The following VEGFB variants were observed in gnomAD, a reference collection of about 807,000 sequenced individuals.
VEGFB encodes VEGF-related factor.
VEGFB carries 24 observed loss-of-function variants against 22.5 expected under a neutral mutation model. The ratio of observed to expected loss-of-function variants is 1.07; its 90% CI spans 0.77 to 1.50. VEGFB has a LOEUF of 1.50. Among genes scored for constraint, VEGFB ranks in the 40% most tolerant of loss-of-function variants. The pLI is 0.00. For missense variants in VEGFB, 327 were observed against 287.8 expected (o/e 1.14, Z -0.99); for synonymous variants, 141 against 117.4 (o/e 1.20, Z -1.30).
At chr11:64,236,136 G>C (rs540431826) in intron 3 of VEGFB, 118 bp from the exon 4 acceptor site, 2 of 1,530,200 alleles carry the variant, frequency 1.3e-6, no homozygotes, top group Non-Finnish European at 1.8e-6. Context: ...AGACAGGGTT[G>C]GGGGGAGGGC....
chr11:64,235,432 G>C (rs769339830), intron 1 of VEGFB, 26 bp from the exon 2 acceptor site: 70 of 1,611,588 alleles, frequency 4.3e-5, no homozygotes, highest in Non-Finnish European at 5.7e-5. Flanking sequence ...AGTGTACCTT[G>C]GGTACAGGTC....
At position 64,237,202 on chromosome 11, in the gene VEGFB, C is replaced by G. The variant is rs147646574; in HGVS notation, c.390C>G (p.Asp130Glu). Residue 130 changes from aspartate (D) to glutamate (E), a missense_variant, in exon 5 of 7, where the codon GAC (aspartate) becomes GAG (glutamate). Transcript: ENST00000309422. ...SQCECRPKKK[D>E]SAVKPDRAAT... is the part of the protein sequence containing the mutation. The stretch of plus-strand genomic sequence containing the variant: ...TACTTTTCAGACCTAAAAAAAAGGA[C>G]AGTGCTGTGAAGCCAGACAGGTGAG... The G allele has an allele frequency of 1.9e-6, 3 of 1,606,932 alleles. No individual in the cohort carries two copies. The highest frequency in any genetic ancestry group is 2.6e-6 in the Non-Finnish European group (3 of 1,175,740).
chr11:64,238,257 A>G (rs1591082681), intron 6 of VEGFB, 99 bp from the exon 7 acceptor site: 1 of 1,447,242 alleles, frequency 6.9e-7, no homozygotes, highest in Non-Finnish European at 9.4e-7. Flanking sequence ...GTGTGGCAGG[A>G]TGCTCAGGTT....
In VEGFB at chr11:64,236,302, G is replaced by A; in HGVS notation, c.349G>A (p.Glu117Lys). ...CAGTCAGCTGGGGGAGATGTCCCTG[G>A]AAGAACACAGCCAGTGTGAATGCAG... ...PSSQLGEMSL[E>K]EHSQCECRPK... is the part of the protein sequence containing the mutation. The change falls in exon 4 of 7, where the codon GAA becomes AAA. Residue 117 changes from glutamate to lysine, a missense_variant. Physicochemically the swap from Glu to Lys is moderately conservative, Grantham distance 56 (BLOSUM62 1). Transcript: ENST00000309422. 2 of 1,613,880 alleles carry A rather than the reference G, an allele frequency of 1.2e-6. No individual in the cohort carries two copies. The highest frequency in any genetic ancestry group is 2.2e-5 in the South Asian group (2 of 91,088).
intron 4 of VEGFB, 96 bp from the exon 5 acceptor site, chr11:64,237,083 CAAAGAGAG>C (rs751337053): frequency 0.038 from 24,168 of 644,426 alleles, 766 homozygotes; most frequent in East Asian, 0.059. Context: ...AACACAGTCT[CAAAGAGAG>C]AGAGAGAGAG....
chr11:64,236,021 G>A lies in VEGFB; in HGVS notation c.300+12G>A. On this transcript the variant is annotated intron_variant, in intron 3 of 6. Coordinates refer to ENST00000309422, the MANE Select transcript of VEGFB (RefSeq NM_003377.5). Reference sequence around the variant, plus strand: ...AAGTCCGGATGCAGGTACTGGGCAGGTGGGGCAACGGGCAGGGGATGCAGG... The same window carrying A: ...AAGTCCGGATGCAGGTACTGGGCAGATGGGGCAACGGGCAGGGGATGCAGG... 1 of 1,572,776 alleles carries A rather than the reference G, an allele frequency of 6.4e-7. No individual in the cohort carries two copies. The highest frequency in any genetic ancestry group is 1.9e-5 in the Admixed American group (1 of 53,424).
Position 64,237,299 on chromosome 11 carries a change from C to T in VEGFB, c.410+77C>T, listed in dbSNP as rs1288176415. 5 of 1,525,728 alleles carry T rather than the reference C, an allele frequency of 3.3e-6. No homozygotes were observed. The African/African-American group carries it at 4.1e-5, about 12-fold the overall frequency. The allele number at this position is 1,525,728 out of a possible 1,614,324, so 94.5% of individuals were successfully genotyped here. A position where few individuals can be genotyped will look rare whatever the true frequency, so the allele number is the denominator to read the frequency against. On this transcript the variant is annotated intron_variant, in intron 5 of 6. Transcript: ENST00000309422. ...CCAGAAGCTGTTGCTCCTCTTTCTC[C>T]TCCCACCCGTCCCCCACTTTCCCTT... is the stretch of plus-strand genomic sequence containing the variant.
intron 1 of VEGFB, among the ~76,000 whole-genome samples, chr11:64,235,156 C>G (rs887343488): frequency 6.6e-6 from 1 of 152,184 alleles, no homozygotes; most frequent in African/African-American, 2.4e-5. Flanking sequence ...GCCTGCAGGA[C>G]CTGCTTCGGT....
intron 5 of VEGFB, 21 bp downstream of exon 5, chr11:64,237,243 C>A: frequency 6.2e-7 from 1 of 1,606,302 alleles, no homozygotes; most frequent in South Asian, 1.1e-5. Context: ...TGGACTCCAG[C>A]TGAGTAGGGG....
rs536661974 is a variant in VEGFB at position 64,237,131 on chromosome 11, C to G, written c.375-56C>G. 6.0e-6 allele frequency: 7 copies of G among 1,166,436 alleles called. 1 individual carries two copies. In the Admixed American group the frequency reaches 1.2e-4, roughly 20 times the overall value. The allele number at this position is 1,166,436 out of a possible 1,614,324, so 72.3% of individuals were successfully genotyped here. ...AGAGAGAGAGAGAGAGAGTAGGATG[C>G]TGGGATTTCCTGATCTTCCTCTTGT... On this transcript the variant is annotated intron_variant, in intron 4 of 6. Coordinates refer to ENST00000309422, the MANE Select transcript of VEGFB (RefSeq NM_003377.5).
chr11:64,236,888 G>T (rs2030076969), intron 4 of VEGFB, among the ~76,000 whole-genome samples: 1 of 148,400 alleles, frequency 6.7e-6, no homozygotes, highest in African/African-American at 2.5e-5. Flanking sequence ...AGACCAGCCT[G>T]GCCAACATGG....
At position 64,235,627 on chromosome 11, in the gene VEGFB, G is replaced by A. The variant is rs541827162; in HGVS notation, c.103+127G>A. On this transcript the variant is annotated intron_variant, in intron 2 of 6. Coordinates refer to ENST00000309422, the MANE Select transcript of VEGFB (RefSeq NM_003377.5). ...AAACTATTATTCTACCCATTTCACA[G>A]AGGAGGAAATTGAGGCAGTGGGGTT... 8.5e-6 allele frequency: 11 copies of A among 1,296,464 alleles called. 1 individual carries two copies. The Admixed American group carries it at 9.7e-5, about 11-fold the overall frequency. 80.3% of individuals were successfully genotyped at this position (1,296,464 alleles called of 1,614,324 possible). A position where few individuals can be genotyped will look rare whatever the true frequency, so the allele number is the denominator to read the frequency against.
chr11:64,238,291 C>T, intron 6 of VEGFB, 65 bp from the exon 7 acceptor site: 2 of 1,532,898 alleles, frequency 1.3e-6, no homozygotes, highest in East Asian at 4.9e-5. Flanking sequence ...GCCCGAGGCA[C>T]ACATGAGTCC....
intron 4 of VEGFB, 83 bp from the exon 5 acceptor site, chr11:64,237,103 GA>G: frequency 1.7e-6 from 1 of 580,794 alleles, no homozygotes; most frequent in Non-Finnish European, 2.6e-6. Flanking sequence ...GAGAGAGAGA[GA>G]GAGAGAGAGA....
chr11:64,236,025 G>A lies in VEGFB; in HGVS notation c.300+16G>A. 6.4e-7 allele frequency: 1 copy of A among 1,568,548 alleles called. No individual in the cohort carries two copies. On this transcript the variant is annotated intron_variant, in intron 3 of 6. Coordinates refer to ENST00000309422, the MANE Select transcript of VEGFB (RefSeq NM_003377.5). The stretch of plus-strand genomic sequence containing the variant: ...CCGGATGCAGGTACTGGGCAGGTGG[G>A]GCAACGGGCAGGGGATGCAGGTACT...
Position 64,235,563 on chromosome 11 carries a change from C to T in VEGFB, c.103+63C>T, listed in dbSNP as rs377399465. ...GAGGGTTTGTCATGGGCCCTGATTCCAGGTGTCCATCATCTTGTGTAACTC... is the reference window on the plus strand; with the variant it reads ...GAGGGTTTGTCATGGGCCCTGATTCTAGGTGTCCATCATCTTGTGTAACTC... On this transcript the variant is annotated intron_variant, in intron 2 of 6. Transcript: ENST00000309422. The T allele has an allele frequency of 1.8e-5, 28 of 1,527,990 alleles. No homozygotes were observed. In the East Asian group the frequency reaches 5.2e-4, roughly 28 times the overall value. The allele number at this position is 1,527,990 out of a possible 1,614,324, so 94.7% of individuals were successfully genotyped here.
intron 6 of VEGFB, 194 bp downstream of exon 6, chr11:64,237,849 A>C (rs2030219733): frequency 1.8e-6 from 1 of 565,122 alleles, no homozygotes; most frequent in Non-Finnish European, 3.1e-6. Context: ...CTCAGGAGTC[A>C]GATACAGGAG....
rs776779173 is a variant in VEGFB at position 64,235,874 on chromosome 11, C to T, written c.165C>T (p.Pro55=). Residue 55 remains proline (P), a synonymous_variant, in exon 3 of 7, where the codon CCC becomes CCT. Transcript: ENST00000309422. The part of the protein sequence containing the change: ...ATCQPREVVV[P]LTVELMGTVA... The stretch of plus-strand genomic sequence containing the variant: ...GCCAGCCCCGGGAGGTGGTGGTGCC[C>T]TTGACTGTGGAGCTCATGGGCACCG... The T allele has an allele frequency of 6.2e-7, 1 of 1,613,950 alleles. No individual in the cohort carries two copies. The highest frequency in any genetic ancestry group is 1.7e-5 in the Admixed American group (1 of 60,034).
rs1342224724 is a variant in VEGFB, at chr11:64,234,801, G to A, written c.-33G>A. On this transcript the variant is annotated 5_prime_UTR_variant, in exon 1 of 7. Coordinates refer to ENST00000309422, the MANE Select transcript of VEGFB (RefSeq NM_003377.5). The surrounding 1 kb of genome is among the most constrained non-coding windows in gnomAD (Gnocchi z 5.3). ...CCGCGCCGCCGGGCTAGGGCGATGC[G>A]GGCGCCCCCGGCGGGCGGCCCCGGC... 3 of 1,098,388 alleles carry A rather than the reference G, an allele frequency of 2.7e-6. No homozygotes were observed. The African/African-American group carries it at 5.1e-5, about 19-fold the overall frequency. 68.0% of individuals were successfully genotyped at this position (1,098,388 alleles called of 1,614,324 possible).
Sources: gnomAD v4.1 joint callset for allele counts (sites outside exome capture counted in the v4.1 genomes callset) on GRCh38, gnomAD v4.1.1 for gene constraint, Gnocchi (gnomAD v3.1) non-coding constraint, MANE v1.5 for transcripts, NCBI Gene and HGNC (gene_info 2026-07-23, HGNC 2026-07-21) for gene names.